The following ARHGAP15 variants were observed in gnomAD, a reference collection of about 807,000 sequenced individuals.
ARHGAP15 encodes Rho GTPase activating protein 15, also known as rho GTPase-activating protein 15.
In ARHGAP15, 51 loss-of-function variants were observed where a neutral mutation model predicts 63.7. The observed-to-expected ratio is 0.80, with a 90% confidence interval of 0.64 to 1.01. The LOEUF (loss-of-function observed/expected upper bound fraction) is 1.01, where lower values mean the gene tolerates loss of function less well. ARHGAP15 is among the 50% of genes least tolerant of loss of function. The pLI, the probability that ARHGAP15 is intolerant of heterozygous loss-of-function variation, is 0.00. For missense variants in ARHGAP15, 560 were observed against 564.6 expected, an observed-to-expected ratio of 0.99 and a Z score of 0.08; for synonymous variants, 191 against 193.8, an observed-to-expected ratio of 0.99 and a Z score of 0.12.
chr2:143,626,788 C>T (rs1698854002), intron 12 of ARHGAP15, among the ~76,000 whole-genome samples: 1 of 152,152 alleles, frequency 6.6e-6, no homozygotes, highest in African/African-American at 2.4e-5. Flanking sequence ...TCTTGTAAGA[C>T]AGAAAAGTTC....
intron 6 of ARHGAP15, among the ~76,000 whole-genome samples, chr2:143,313,439 T>C (rs1005076936): frequency 3.9e-5 from 6 of 152,198 alleles, no homozygotes; most frequent in African/African-American, 1.2e-4. Flanking sequence ...TCTTCTATAT[T>C]GTTCTTAGTT....
At chr2:143,480,859 G>C (rs1211439799) in intron 8 of ARHGAP15, 1 of 152,116 alleles carries the variant, frequency 6.6e-6, no homozygotes, top group Non-Finnish European at 1.5e-5. Flanking sequence ...GCCCTGGAAA[G>C]GAATAAACAG....
chr2:143,259,357 A>G (rs1680598049), intron 6 of ARHGAP15, among the ~76,000 whole-genome samples: 1 of 152,174 alleles, frequency 6.6e-6, no homozygotes, highest in African/African-American at 2.4e-5. Context: ...TTTAATGTTT[A>G]ATGCATATGA....
At chr2:143,440,116 C>T (rs1459188702) in intron 8 of ARHGAP15, among the ~76,000 whole-genome samples, 2 of 151,836 alleles carry the variant, frequency 1.3e-5, no homozygotes, top group Non-Finnish European at 2.9e-5. Context: ...GAATTAAGTT[C>T]ATTCAATATG....
chr2:143,508,934 C>T (rs1017347376), intron 9 of ARHGAP15, among the ~76,000 whole-genome samples: 3 of 152,140 alleles, frequency 2.0e-5, no homozygotes, highest in Non-Finnish European at 2.9e-5. Context: ...AAACTGAAGA[C>T]GGCCAGAAGC....
intron 10 of ARHGAP15, among the ~76,000 whole-genome samples, chr2:143,542,168 C>T (rs1421512289): frequency 6.6e-6 from 1 of 152,218 alleles, no homozygotes; most frequent in African/African-American, 2.4e-5. Flanking sequence ...GCGTAGGACC[C>T]TCCGAGCTAG....
chr2:143,399,263 C>CTT (rs376708875), intron 6 of ARHGAP15, among the ~76,000 whole-genome samples: 9 of 147,920 alleles, frequency 6.1e-5, no homozygotes, highest in African/African-American at 2.2e-4. Flanking sequence ...ACAATTATTA[C>CTT]TTTTTTTTTT....
chr2:143,204,208 G>A (rs573522671), intron 3 of ARHGAP15, among the ~76,000 whole-genome samples: 14 of 151,958 alleles, frequency 9.2e-5, no homozygotes, highest in African/African-American at 1.7e-4. Context: ...ACCCACTTTC[G>A]CTTTCTACTG....
chr2:143,303,101 G>T (rs566434924), intron 6 of ARHGAP15, among the ~76,000 whole-genome samples: 42 of 152,086 alleles, frequency 2.8e-4, no homozygotes, highest in African/African-American at 1.0e-3. Context: ...TGTAGGCATG[G>T]GCAAAGACTT....
At chr2:143,237,582 A>G (rs1364939129) in intron 5 of ARHGAP15, 2 of 152,194 alleles carry the variant, frequency 1.3e-5, no homozygotes, top group Non-Finnish European at 2.9e-5. Flanking sequence ...ATCTGACTCC[A>G]GAACATCTGT....
intron 1 of ARHGAP15, among the ~76,000 whole-genome samples, chr2:143,136,470 A>G (rs1173226098): frequency 6.6e-6 from 1 of 152,158 alleles, no homozygotes; most frequent in East Asian, 1.9e-4. Context: ...TTAGAATAAC[A>G]AGAAGCATAT....
chr2:143,250,155 A>G (rs2104975973), intron 5 of ARHGAP15, among the ~76,000 whole-genome samples: 1 of 152,160 alleles, frequency 6.6e-6, no homozygotes, highest in East Asian at 1.9e-4. Flanking sequence ...ACATGCTTTT[A>G]TGTTACTTTA....
chr2:143,455,682 A>G (rs147120231), intron 8 of ARHGAP15, among the ~76,000 whole-genome samples: 1 of 152,212 alleles, frequency 6.6e-6, no homozygotes, highest in African/African-American at 2.4e-5. Context: ...AACAAAACGA[A>G]TATAGTATTT....
intron 6 of ARHGAP15, among the ~76,000 whole-genome samples, chr2:143,350,233 A>G (rs1407522933): frequency 6.6e-6 from 1 of 152,112 alleles, no homozygotes; most frequent in Non-Finnish European, 1.5e-5. Flanking sequence ...TTTAAAAAGC[A>G]TATCTTTGAT....
chr2:143,630,171 T>C (rs1164503393), intron 12 of ARHGAP15, among the ~76,000 whole-genome samples: 1 of 152,096 alleles, frequency 6.6e-6, no homozygotes, highest in Non-Finnish European at 1.5e-5. Flanking sequence ...AGTAGAACTT[T>C]CCAAGAGTGA....
intron 6 of ARHGAP15, among the ~76,000 whole-genome samples, chr2:143,417,323 G>A (rs1292052330): frequency 6.6e-6 from 1 of 152,108 alleles, no homozygotes; most frequent in African/African-American, 2.4e-5. Flanking sequence ...TTATGCATAG[G>A]TGTGAACGGT....
chr2:143,475,066 A>G lies in ARHGAP15; in HGVS notation c.704-12307A>G, dbSNP rs149373177. Among the ~76,000 whole-genome samples, 27 of 152,318 alleles carry G rather than the reference A, an allele frequency of 1.8e-4. No homozygotes were observed. In the East Asian group the frequency reaches 5.2e-3, roughly 29 times the overall value. ...GGGATTTCAAAATGGACAACACATAAAACAACCTATATCCAGACCACATCA... is the reference window on the plus strand; with the variant it reads ...GGGATTTCAAAATGGACAACACATAGAACAACCTATATCCAGACCACATCA... On this transcript the variant is annotated intron_variant, in intron 8 of 13. Transcript: ENST00000295095.
At chr2:143,235,865 T>C in intron 5 of ARHGAP15, 1 of 1,444,482 alleles carries the variant, frequency 6.9e-7, no homozygotes, top group Non-Finnish European at 9.2e-7. Flanking sequence ...CCTATTTTAG[T>C]ATCAGTGAAG....
intron 12 of ARHGAP15, among the ~76,000 whole-genome samples, chr2:143,640,195 T>A (rs1680538182): frequency 6.6e-6 from 1 of 152,120 alleles, no homozygotes; most frequent in Non-Finnish European, 1.5e-5. Flanking sequence ...AATGAATTTT[T>A]AAAACAATGT....
Sources: allele counts gnomAD v4.1 joint callset (sites outside exome capture counted in the v4.1 genomes callset), GRCh38; gene constraint gnomAD v4.1.1; transcripts MANE v1.5; gene names NCBI Gene and HGNC (gene_info 2026-07-23, HGNC 2026-07-21).